Variants in CNTNAP3B observed in about 807,000 individuals in gnomAD.
CNTNAP3B encodes contactin associated protein family member 3B.
Under a neutral mutation model 108.9 loss-of-function variants are expected in CNTNAP3B, and 25 were observed. The observed-to-expected ratio is 0.23, with a 90% CI of 0.17 to 0.32. CNTNAP3B has a LOEUF of 0.32. CNTNAP3B is among the 10% of genes least tolerant of loss of function. The pLI, the probability that CNTNAP3B is intolerant of heterozygous loss-of-function variation, is 1.00. For missense variants in CNTNAP3B, 252 were observed against 1,210.4 expected, an observed-to-expected ratio of 0.21 and a Z score of 11.75; for synonymous variants, 103 against 473.4, an observed-to-expected ratio of 0.22 and a Z score of 10.16.
rs1290399410 is a variant in CNTNAP3B at position 42,035,304 on chromosome 9, C to T, written c.391-21779G>A. Among the ~76,000 whole-genome samples the T allele has an allele frequency of 8.3e-5, 12 of 145,374 alleles. 1 individual carries two copies. The highest frequency in any genetic ancestry group is 4.5e-4 in the South Asian group (2 of 4,446). On this transcript the variant is annotated intron_variant, in intron 3 of 23. Coordinates refer to ENST00000377561, the MANE Select transcript of CNTNAP3B (RefSeq NM_001201380.3). ...AGCAAGTGAGCTCACCAAGGTTCCA[C>T]GAGGCTGACTTCTCCTATGATTCAA... is the stretch of plus-strand genomic sequence containing the variant.
At chr9:41,942,594 G>A (rs1824389999) in intron 13 of CNTNAP3B, among the ~76,000 whole-genome samples, 1 of 149,670 alleles carries the variant, frequency 6.7e-6, no homozygotes, top group Non-Finnish European at 1.5e-5. Context: ...CTGGGCTACA[G>A]AGCGAGACTC....
intron 11 of CNTNAP3B, among the ~76,000 whole-genome samples, chr9:41,961,381 A>G (rs1466189020): frequency 1.3e-5 from 2 of 152,308 alleles, no homozygotes; most frequent in Non-Finnish European, 2.9e-5. Flanking sequence ...CGAGAGGAAA[A>G]CTTTGTGAAT....
chr9:42,097,400 T>C (rs1827925251), intron 2 of CNTNAP3B, among the ~76,000 whole-genome samples: 1 of 139,968 alleles, frequency 7.1e-6, no homozygotes, highest in Non-Finnish European at 1.5e-5. Context: ...AGATGCTTTT[T>C]ATATTTGTAT....
intron 8 of CNTNAP3B, among the ~76,000 whole-genome samples, chr9:41,987,778 C>T (rs1825735506): frequency 6.7e-6 from 1 of 148,430 alleles, no homozygotes; most frequent in Non-Finnish European, 1.5e-5. Flanking sequence ...CTTCATGAGG[C>T]CTATTAAATT....
chr9:41,963,259 A>T (rs1309129682), intron 11 of CNTNAP3B, among the ~76,000 whole-genome samples: 14 of 152,266 alleles, frequency 9.2e-5, no homozygotes, highest in Admixed American at 3.9e-4. Context: ...AGCAAGTGGA[A>T]CTGAGGACTT....
Position 42,115,652 on chromosome 9 carries a change from C to T in CNTNAP3B, c.86-10913G>A, listed in dbSNP as rs558156929. 1.6e-3 allele frequency among the ~76,000 whole-genome samples: 187 copies of T among 120,468 alleles called. 26 individuals carry two copies. Among genetic ancestry groups the T allele is most frequent in the African/African-American group, 6.3e-3 (180 of 28,662 alleles). The allele number at this position is 120,468 out of a possible 152,430, so 79.0% of individuals were successfully genotyped here. A position where few individuals can be genotyped will look rare whatever the true frequency, so the allele number is the denominator to read the frequency against. ...TCCAACAGACCTGCAGCTGAGGGTC[C>T]TGACTCTTAGAAGGAAAACTAACAA... On this transcript the variant is annotated intron_variant, in intron 1 of 23. Coordinates refer to ENST00000377561, the MANE Select transcript of CNTNAP3B (RefSeq NM_001201380.3).
At chr9:41,943,951 A>G (rs1480659587) in intron 13 of CNTNAP3B, among the ~76,000 whole-genome samples, 6 of 152,254 alleles carry the variant, frequency 3.9e-5, no homozygotes, top group Non-Finnish European at 2.9e-5. Context: ...AGAGTAAAAT[A>G]AAACACCTTA....
intron 15 of CNTNAP3B, among the ~76,000 whole-genome samples, chr9:41,924,690 C>CACAG (rs1823764629): frequency 1.3e-5 from 2 of 149,218 alleles, no homozygotes; most frequent in Admixed American, 1.3e-4. Context: ...CACACACACA[C>CACAG]AGTCTTAATT....
chr9:42,099,017 T>C (rs1256582425), intron 2 of CNTNAP3B, among the ~76,000 whole-genome samples: 5 of 137,654 alleles, frequency 3.6e-5, no homozygotes, highest in Non-Finnish European at 7.7e-5. Flanking sequence ...TTCCCACCTC[T>C]AGTTTCCCTG....
intron 13 of CNTNAP3B, among the ~76,000 whole-genome samples, chr9:41,940,147 T>C (rs1291749875): frequency 9.2e-5 from 14 of 152,380 alleles, no homozygotes; most frequent in Non-Finnish European, 7.3e-5. Flanking sequence ...ATCATCCGAA[T>C]CTCAAAAAGA....
intron 1 of CNTNAP3B, among the ~76,000 whole-genome samples, chr9:42,107,465 C>T (rs1828104585): frequency 1.7e-5 from 2 of 119,102 alleles, no homozygotes; most frequent in Admixed American, 1.7e-4. Context: ...TGGTTTCTCC[C>T]TAATTAACTT....
chr9:42,095,092 T>C (rs1827873314), intron 2 of CNTNAP3B, among the ~76,000 whole-genome samples: 1 of 136,150 alleles, frequency 7.3e-6, no homozygotes. Context: ...CTATTCACTA[T>C]GCTGTGCAAA....
chr9:41,934,064 T>A (rs1824063013), intron 14 of CNTNAP3B, among the ~76,000 whole-genome samples: 1 of 147,424 alleles, frequency 6.8e-6, no homozygotes, highest in African/African-American at 2.5e-5. Context: ...ATTATTCCAC[T>A]GTTTTGGGTG....
chr9:42,089,152 A>AG (rs1587263186), intron 2 of CNTNAP3B, among the ~76,000 whole-genome samples: 6,021 of 92,984 alleles, frequency 0.065, 325 homozygotes, highest in Non-Finnish European at 0.093. Flanking sequence ...AGGGAAAGGG[A>AG]AAAAGGGTGA....
At chr9:42,099,325 C>T (rs1243966256) in intron 2 of CNTNAP3B, among the ~76,000 whole-genome samples, 1 of 125,290 alleles carries the variant, frequency 8.0e-6, no homozygotes, top group Non-Finnish European at 1.7e-5. Context: ...TGTCATGCAT[C>T]TTCCCAGAAA....
chr9:42,089,404 G>C (rs2079523019), intron 2 of CNTNAP3B, among the ~76,000 whole-genome samples: 1 of 127,922 alleles, frequency 7.8e-6, no homozygotes, highest in Admixed American at 8.0e-5. Flanking sequence ...ATTCTGTTTT[G>C]GGATATTGCA....
intron 10 of CNTNAP3B, among the ~76,000 whole-genome samples, chr9:41,965,014 G>A (rs1212831106): frequency 6.6e-6 from 1 of 152,262 alleles, no homozygotes; most frequent in Non-Finnish European, 1.5e-5. Context: ...GGGGAAACAG[G>A]GAGGAAGATA....
intron 2 of CNTNAP3B, among the ~76,000 whole-genome samples, chr9:42,098,968 G>C (rs1587271187): frequency 7.3e-6 from 1 of 136,170 alleles, no homozygotes; most frequent in Non-Finnish European, 1.6e-5. Flanking sequence ...CGAAGGGCTG[G>C]TGCACCCAGA....
chr9:42,127,305 C>A (rs1828593338), intron 1 of CNTNAP3B, among the ~76,000 whole-genome samples: 1 of 138,932 alleles, frequency 7.2e-6, no homozygotes, highest in Admixed American at 7.2e-5. Context: ...ATGAGAAGAG[C>A]TTAATTTCTA....
Sources: allele counts gnomAD v4.1 joint callset (sites outside exome capture counted in the v4.1 genomes callset), GRCh38; gene constraint gnomAD v4.1.1; transcripts MANE v1.5; gene names NCBI Gene and HGNC (gene_info 2026-07-23, HGNC 2026-07-21).